Variants in CNTN5 observed in about 807,000 individuals in gnomAD.
CNTN5 encodes the protein contactin 5.
A neutral mutation model predicts 129.1 loss-of-function variants in CNTN5; 77 were observed. That is an observed-to-expected ratio of 0.60 (90% CI 0.50 to 0.72). The LOEUF (loss-of-function observed/expected upper bound fraction) is 0.72, where lower values mean the gene tolerates loss of function less well. Among genes scored for constraint, CNTN5 ranks in the 30% least tolerant of loss-of-function variants. CNTN5 has a pLI of 0.00. For missense variants in CNTN5, 1,478 were observed against 1,328.8 expected, an observed-to-expected ratio of 1.11 and a Z score of -1.75; for synonymous variants, 509 against 465.6, an observed-to-expected ratio of 1.09 and a Z score of -1.20.
At chr11:99,477,632 A>C (rs1470920387) in intron 2 of CNTN5, among the ~76,000 whole-genome samples, 1 of 151,932 alleles carries the variant, frequency 6.6e-6, no homozygotes, top group Non-Finnish European at 1.5e-5. Flanking sequence ...AAAATTTAAC[A>C]AAAATAAAAA....
At chr11:100,256,418 T>C (rs1013688071) in intron 17 of CNTN5, among the ~76,000 whole-genome samples, 4 of 152,192 alleles carry the variant, frequency 2.6e-5, no homozygotes, top group Non-Finnish European at 4.4e-5. Context: ...ACAATCAGGA[T>C]ATAGATCAGT....
At chr11:99,765,859 A>G (rs1944736409) in intron 3 of CNTN5, among the ~76,000 whole-genome samples, 1 of 151,928 alleles carries the variant, frequency 6.6e-6, no homozygotes, top group Non-Finnish European at 1.5e-5. Flanking sequence ...ATGGATCTGT[A>G]TTCTGGTGAC....
At chr11:100,038,142 T>C (rs1257409273) in intron 9 of CNTN5, among the ~76,000 whole-genome samples, 1 of 152,014 alleles carries the variant, frequency 6.6e-6, no homozygotes, top group Non-Finnish European at 1.5e-5. Context: ...ACTTTGAATG[T>C]GTCCCAGAGA....
At chr11:99,522,424 T>C (rs1947306596) in intron 2 of CNTN5, among the ~76,000 whole-genome samples, 1 of 152,032 alleles carries the variant, frequency 6.6e-6, no homozygotes, top group South Asian at 2.1e-4. Flanking sequence ...ATACTATACA[T>C]TTTTTTCAAA....
chr11:99,257,141 A>T (rs1052192146), intron 1 of CNTN5, among the ~76,000 whole-genome samples: 1 of 152,142 alleles, frequency 6.6e-6, no homozygotes, highest in Admixed American at 6.6e-5. Context: ...ACAGAACAAA[A>T]TCTGGGAGAA....
At chr11:100,342,327 T>C (rs1952183752) in intron 23 of CNTN5, among the ~76,000 whole-genome samples, 1 of 152,052 alleles carries the variant, frequency 6.6e-6, no homozygotes, top group Admixed American at 6.6e-5. Context: ...CTTAGGGAAA[T>C]ATACTGTTTA....
chr11:99,212,664 T>TA (rs1859867491), intron 1 of CNTN5, among the ~76,000 whole-genome samples: 1 of 152,108 alleles, frequency 6.6e-6, no homozygotes, highest in Non-Finnish European at 1.5e-5. Context: ...CTATATAATT[T>TA]TAAAAAATAT....
chr11:100,193,858 T>TA (rs980776731), intron 15 of CNTN5, among the ~76,000 whole-genome samples, 195 bp downstream of exon 15: 17 of 151,920 alleles, frequency 1.1e-4, no homozygotes, highest in African/African-American at 3.6e-4. Context: ...AAACCCCCAG[T>TA]AAAAAACTGA....
chr11:99,999,858 G>A lies in CNTN5; in HGVS notation c.878-2176G>A, dbSNP rs568957612. Among the ~76,000 whole-genome samples the A allele has an allele frequency of 1.7e-4, 26 of 152,124 alleles. No individual in the cohort carries two copies. The South Asian group carries it at 5.2e-3, about 30-fold the overall frequency. On this transcript the variant is annotated intron_variant, in intron 8 of 24. Transcript: ENST00000524871. ...AATGATGAGTTCATGTCCTTTGTAG[G>A]GACATGGATGAAATTGGAAATCATC... is the stretch of plus-strand genomic sequence containing the variant.
chr11:99,475,295 A>G (rs1945328529), intron 2 of CNTN5, among the ~76,000 whole-genome samples: 1 of 152,220 alleles, frequency 6.6e-6, no homozygotes, highest in Non-Finnish European at 1.5e-5. Flanking sequence ...ATAACACAGC[A>G]CAAAGGCCCA....
At chr11:99,669,785 A>C (rs1268504809) in intron 3 of CNTN5, among the ~76,000 whole-genome samples, 1 of 152,120 alleles carries the variant, frequency 6.6e-6, no homozygotes, top group Non-Finnish European at 1.5e-5. Context: ...TTTGTCCCTA[A>C]GCCAAGTATT....
intron 13 of CNTN5, among the ~76,000 whole-genome samples, chr11:100,167,913 G>A (rs1418800626): frequency 1.3e-5 from 2 of 151,946 alleles, no homozygotes; most frequent in African/African-American, 4.8e-5. Flanking sequence ...ATTTACAAGT[G>A]CATCTCCATT....
At chr11:100,052,525 T>TGAGA (rs1168767812) in intron 9 of CNTN5, among the ~76,000 whole-genome samples, 1 of 151,800 alleles carries the variant, frequency 6.6e-6, no homozygotes, top group African/African-American at 2.4e-5. Context: ...ACCTGTACAC[T>TGAGA]GAGAATTTGC....
intron 1 of CNTN5, among the ~76,000 whole-genome samples, chr11:99,242,009 G>T (rs1413391358): frequency 1.3e-5 from 2 of 152,056 alleles, no homozygotes; most frequent in African/African-American, 2.4e-5. Flanking sequence ...ATGACAAAGT[G>T]GTAACACTAT....
intron 18 of CNTN5, among the ~76,000 whole-genome samples, chr11:100,282,015 T>A (rs1472440006): frequency 7.9e-6 from 1 of 126,238 alleles, no homozygotes; most frequent in Non-Finnish European, 1.8e-5. Flanking sequence ...TTTTTTTTTT[T>A]ACTTTCCTCA....
At chr11:99,093,099 C>T (rs1866320810) in intron 1 of CNTN5, among the ~76,000 whole-genome samples, 1 of 151,966 alleles carries the variant, frequency 6.6e-6, no homozygotes, top group African/African-American at 2.4e-5. Flanking sequence ...TGAGAGAGCA[C>T]ATATAGGAGG....
At chr11:100,315,075 C>T (rs1388818666) in intron 21 of CNTN5, among the ~76,000 whole-genome samples, 1 of 152,126 alleles carries the variant, frequency 6.6e-6, no homozygotes, top group Non-Finnish European at 1.5e-5. Flanking sequence ...CAATCCTCAA[C>T]TAGGGTCTTG....
chr11:99,579,188 A>G (rs1003733731), intron 3 of CNTN5, among the ~76,000 whole-genome samples: 4 of 152,092 alleles, frequency 2.6e-5, no homozygotes, highest in African/African-American at 9.7e-5. Flanking sequence ...CCATTGGTCT[A>G]TATCCTGTTT....
At chr11:99,177,196 G>A (rs765544176) in intron 1 of CNTN5, among the ~76,000 whole-genome samples, 8 of 152,088 alleles carry the variant, frequency 5.3e-5, no homozygotes, top group Middle Eastern at 3.2e-3. Context: ...CTGTTTAAAA[G>A]CGGTATCTTC....
Sources: gnomAD v4.1 joint callset for allele counts (sites outside exome capture counted in the v4.1 genomes callset) on GRCh38, gnomAD v4.1.1 for gene constraint, MANE v1.5 for transcripts, NCBI Gene and HGNC (gene_info 2026-07-23, HGNC 2026-07-21) for gene names.